Variants in TPRG1 observed in about 807,000 individuals in gnomAD.
The protein encoded by TPRG1 is tumor protein p63-regulated gene 1 protein.
In TPRG1, 29 loss-of-function variants were observed where a neutral mutation model predicts 29.3. The observed-to-expected ratio is 0.99, with a 90% CI of 0.74 to 1.35. The LOEUF (loss-of-function observed/expected upper bound fraction) is 1.35, where lower values mean the gene tolerates loss of function less well. Among genes scored for constraint, TPRG1 ranks in the 40% most tolerant of loss-of-function variants. The pLI, the probability that TPRG1 is intolerant of heterozygous loss-of-function variation, is 0.00. For synonymous variants in TPRG1, 130 were observed against 116.8 expected, an observed-to-expected ratio of 1.11 and a Z score of -0.73; for missense variants, 327 against 335.0, an observed-to-expected ratio of 0.98 and a Z score of 0.19.
chr3:189,191,379 A>G (rs556075990), intron 1 of TPRG1, among the ~76,000 whole-genome samples: 6 of 152,266 alleles, frequency 3.9e-5, no homozygotes, highest in Non-Finnish European at 7.4e-5. Flanking sequence ...TCCTCTTCCC[A>G]CATTTGTGCT....
intron 4 of TPRG1, among the ~76,000 whole-genome samples, chr3:189,289,188 T>G (rs1213553060): frequency 6.6e-6 from 1 of 152,226 alleles, no homozygotes; most frequent in Non-Finnish European, 1.5e-5. Context: ...TATATCTTGC[T>G]TCCTTAAAAA....
chr3:189,002,342 T>C (rs7633647), intron 2 of TPRG1, among the ~76,000 whole-genome samples: 112 of 152,240 alleles, frequency 7.4e-4, no homozygotes, highest in African/African-American at 2.6e-3. Flanking sequence ...TGAAAACAAC[T>C]GATATATCTA....
chr3:189,285,881 T>A (rs1019401094), intron 4 of TPRG1, among the ~76,000 whole-genome samples: 9 of 152,202 alleles, frequency 5.9e-5, no homozygotes, highest in African/African-American at 1.9e-4. Context: ...CATGCTAGTT[T>A]ATTTTTTTTT....
chr3:189,013,214 T>C (rs1348091408), intron 3 of TPRG1, among the ~76,000 whole-genome samples: 3 of 152,204 alleles, frequency 2.0e-5, no homozygotes, highest in Non-Finnish European at 4.4e-5. Flanking sequence ...TCTGGTACTT[T>C]GTATCTTTGT....
intron 4 of TPRG1, among the ~76,000 whole-genome samples, chr3:189,055,448 T>C (rs1363608846): frequency 1.3e-5 from 2 of 152,198 alleles, no homozygotes; most frequent in Non-Finnish European, 2.9e-5. Flanking sequence ...CCACTCAGGC[T>C]CTGATTCACA....
At chr3:189,078,076 T>TC (rs746262900) in intron 4 of TPRG1, among the ~76,000 whole-genome samples, 4,594 of 79,596 alleles carry the variant, frequency 0.058, 120 homozygotes, top group East Asian at 0.21. Context: ...CTCCTTTCTC[T>TC]CTTTCTCTCT....
rs76628189 is a variant in TPRG1 at position 189,075,483 on chromosome 3, C to T, written c.-463+51537C>T. ...ATTGGTTGTCTTTCCTCACTCTAGA[C>T]TTCTTTATGAGTTTTAGAATTTGAG... On this transcript the variant is annotated intron_variant, in intron 4 of 10. Transcript: ENST00000433971. Among the ~76,000 whole-genome samples, 1,083 of 152,246 alleles carry T rather than the reference C, an allele frequency of 7.1e-3. 12 individuals are homozygous for T. The highest frequency in any genetic ancestry group is 0.024 in the African/African-American group (1,016 of 41,534).
rs1203065294 is a variant in TPRG1 at position 189,235,233 on chromosome 3, T to TTTC, written c.303-3499_303-3498insTCT. Reference sequence around the variant, plus strand: ...TGAGGTTTGCTTTTTTTTTTTTTTTTTCCAAAGGATCCCCTCACTGCAGTA... The same window carrying TTTC: ...TGAGGTTTGCTTTTTTTTTTTTTTTTTTCTCCAAAGGATCCCCTCACTGCAGTA... On this transcript the variant is annotated intron_variant, in intron 3 of 5. Coordinates refer to ENST00000345063, the MANE Select transcript of TPRG1 (RefSeq NM_198485.4). Among the ~76,000 whole-genome samples, 899 of 151,042 alleles carry TTTC rather than the reference T, an allele frequency of 6.0e-3. 11 individuals are homozygous for TTTC. Among genetic ancestry groups the TTTC allele is most frequent in the African/African-American group, 0.02 (814 of 40,976 alleles).
intron 4 of TPRG1, among the ~76,000 whole-genome samples, chr3:189,032,758 C>T (rs1247830623): frequency 1.7e-5 from 2 of 116,668 alleles, no homozygotes; most frequent in Admixed American, 9.8e-5. Context: ...TCCCCCCACC[C>T]CACAACAGTC....
chr3:189,322,950 C>T lies in TPRG1; in HGVS notation c.*2130C>T, dbSNP rs1055607123. On this transcript the variant is annotated 3_prime_UTR_variant, in exon 6 of 6. Coordinates refer to ENST00000345063, the MANE Select transcript of TPRG1 (RefSeq NM_198485.4). The stretch of plus-strand genomic sequence containing the variant: ...AGAGGGTCTTTATGAATTCCCTTCA[C>T]ATTTTGTAAAAACTGTCATATATAG... 6.6e-6 allele frequency: 1 copy of T among 152,088 alleles called. No individual in the cohort carries two copies. The highest frequency in any genetic ancestry group is 2.4e-5 in the African/African-American group (1 of 41,418). The allele number at this position is 152,088 out of a possible 1,614,324, so 9.4% of individuals were successfully genotyped here. A position where few individuals can be genotyped will look rare whatever the true frequency, so the allele number is the denominator to read the frequency against.
chr3:189,153,906 CA>C (rs1274757511), intron 5 of TPRG1, among the ~76,000 whole-genome samples: 1 of 152,184 alleles, frequency 6.6e-6, no homozygotes. Context: ...CCTGTCAGTA[CA>C]GTGAGGGTTT....
intron 4 of TPRG1, among the ~76,000 whole-genome samples, chr3:189,090,480 TG>T (rs1169807187): frequency 2.6e-5 from 4 of 152,110 alleles, no homozygotes; most frequent in Non-Finnish European, 5.9e-5. Flanking sequence ...CTACTTAGGA[TG>T]ACGATTATTG....
chr3:189,004,882 T>C (rs528433787), intron 3 of TPRG1: 2 of 152,216 alleles, frequency 1.3e-5, no homozygotes, highest in East Asian at 3.9e-4. Flanking sequence ...TTTTTGTGGG[T>C]TCATAGTAGG....
At chr3:189,155,720 G>T (rs954959496) in intron 5 of TPRG1, among the ~76,000 whole-genome samples, 1 of 152,192 alleles carries the variant, frequency 6.6e-6, no homozygotes, top group African/African-American at 2.4e-5. Flanking sequence ...TATGCTAAGT[G>T]GAATAAGCCA....
chr3:189,200,356 C>T (rs556329844), intron 1 of TPRG1, among the ~76,000 whole-genome samples: 1 of 152,316 alleles, frequency 6.6e-6, no homozygotes, highest in Non-Finnish European at 1.5e-5. Flanking sequence ...GTTGTTTATC[C>T]ACCGCACATC....
At chr3:189,102,216 C>T (rs1419013312) in intron 1 of TPRG1, among the ~76,000 whole-genome samples, 1 of 152,128 alleles carries the variant, frequency 6.6e-6, no homozygotes, top group East Asian at 1.9e-4. Context: ...TTTCTTTGGC[C>T]TCAGTTTCCT....
At chr3:189,320,125 G>A (rs1267277868) in intron 5 of TPRG1, among the ~76,000 whole-genome samples, 2 of 151,852 alleles carry the variant, frequency 1.3e-5, no homozygotes, top group East Asian at 1.9e-4. Context: ...CTGCAATCAC[G>A]AGAATGTGAG....
chr3:189,139,683 CA>C (rs1361013029), intron 3 of TPRG1, among the ~76,000 whole-genome samples: 3 of 125,662 alleles, frequency 2.4e-5, no homozygotes, highest in Non-Finnish European at 1.7e-5. Flanking sequence ...TTTTTTTTTT[CA>C]AAAAAAAATG....
chr3:189,311,894 C>T (rs752508788), intron 5 of TPRG1, among the ~76,000 whole-genome samples: 1 of 151,702 alleles, frequency 6.6e-6, no homozygotes, highest in Non-Finnish European at 1.5e-5. Context: ...AATATGAGAA[C>T]AGACTCACCC....
Sources: allele counts gnomAD v4.1 joint callset (sites outside exome capture counted in the v4.1 genomes callset), GRCh38; gene constraint gnomAD v4.1.1; transcripts MANE v1.5; gene names NCBI Gene and HGNC (gene_info 2026-07-23, HGNC 2026-07-21).